Variants in GRIA4 observed in about 807,000 individuals in gnomAD.
The protein encoded by GRIA4 is glutamate ionotropic receptor AMPA type subunit 4, also known as glutamate receptor 4.
In GRIA4, 34 loss-of-function variants were observed where a neutral mutation model predicts 104.0. The observed-to-expected ratio is 0.33, with a 90% confidence interval of 0.25 to 0.44. The LOEUF (loss-of-function observed/expected upper bound fraction) is 0.44, where lower values mean the gene tolerates loss of function less well. Among genes scored for constraint, GRIA4 ranks in the 20% least tolerant of loss-of-function variants. The pLI, the probability that GRIA4 is intolerant of heterozygous loss-of-function variation, is 1.00. For synonymous variants in GRIA4, 386 were observed against 381.9 expected (o/e 1.01, Z -0.13); for missense variants, 750 against 1,096.5 (o/e 0.68, Z 4.46).
At chr11:105,757,342 C>A (rs1940375033) in intron 4 of GRIA4, among the ~76,000 whole-genome samples, 2 of 152,086 alleles carry the variant, frequency 1.3e-5, no homozygotes, top group Non-Finnish European at 2.9e-5. Flanking sequence ...GATTCGAGGG[C>A]AGATGCTAGA....
At chr11:105,723,631 C>T (rs1937987550) in intron 3 of GRIA4, among the ~76,000 whole-genome samples, 1 of 152,062 alleles carries the variant, frequency 6.6e-6, no homozygotes, top group South Asian at 2.1e-4. Context: ...TCAGCTTCCT[C>T]GTCATCCTTG....
intron 4 of GRIA4, 114 bp downstream of exon 4, chr11:105,753,334 A>G: frequency 1.1e-6 from 1 of 918,420 alleles, no homozygotes; most frequent in South Asian, 1.6e-5. Flanking sequence ...CTAAAATCAG[A>G]AAATGGTTGA....
chr11:105,822,533 G>A (rs982213108), intron 4 of GRIA4, among the ~76,000 whole-genome samples: 2 of 151,994 alleles, frequency 1.3e-5, no homozygotes, highest in South Asian at 2.1e-4. Flanking sequence ...GCAATGGTAG[G>A]GTGCTCAGGG....
intron 16 of GRIA4, 34 bp from the exon 17 acceptor site, chr11:105,979,541 C>T (rs778249745): frequency 3.1e-6 from 5 of 1,597,240 alleles, no homozygotes; most frequent in South Asian, 2.2e-5. Context: ...GGTAACACTC[C>T]GCGTTCTTTC....
At chr11:105,746,337 A>G (rs546903918) in intron 3 of GRIA4, among the ~76,000 whole-genome samples, 2 of 151,570 alleles carry the variant, frequency 1.3e-5, no homozygotes, top group East Asian at 3.9e-4. Flanking sequence ...TGAAAATCTC[A>G]AGAAAATCAT....
chr11:105,806,324 G>C (rs1942951646), intron 4 of GRIA4, among the ~76,000 whole-genome samples: 10 of 151,806 alleles, frequency 6.6e-5, no homozygotes, highest in Admixed American at 6.6e-4. Flanking sequence ...GGAAGCTGAT[G>C]GCTAGATCAG....
chr11:105,882,101 T>A (rs1418268826), intron 5 of GRIA4, among the ~76,000 whole-genome samples: 1 of 152,160 alleles, frequency 6.6e-6, no homozygotes, highest in Non-Finnish European at 1.5e-5. Context: ...AGTCTGGAAT[T>A]TCTATAGAAA....
At chr11:105,734,748 CT>C (rs1262863440) in intron 3 of GRIA4, among the ~76,000 whole-genome samples, 1 of 152,146 alleles carries the variant, frequency 6.6e-6, no homozygotes, top group Non-Finnish European at 1.5e-5. Context: ...GTTTTCTCTA[CT>C]TTGTGACTGG....
At chr11:105,739,428 T>C (rs1939174064) in intron 3 of GRIA4, among the ~76,000 whole-genome samples, 1 of 152,154 alleles carries the variant, frequency 6.6e-6, no homozygotes, top group South Asian at 2.1e-4. Context: ...GATGGTGCTG[T>C]CCAGAAGCAG....
chr11:105,889,860 T>C (rs1042388241), intron 6 of GRIA4, among the ~76,000 whole-genome samples: 3 of 152,214 alleles, frequency 2.0e-5, no homozygotes, highest in Non-Finnish European at 2.9e-5. Context: ...ATTGTATGTC[T>C]ATATGCTAGC....
At chr11:105,747,196 G>C (rs1939711824) in intron 3 of GRIA4, among the ~76,000 whole-genome samples, 1 of 151,994 alleles carries the variant, frequency 6.6e-6, no homozygotes, top group African/African-American at 2.4e-5. Context: ...AAACATATTG[G>C]AATAATTGGG....
chr11:105,792,322 G>C (rs1355057020), intron 4 of GRIA4, among the ~76,000 whole-genome samples: 1 of 152,056 alleles, frequency 6.6e-6, no homozygotes, highest in East Asian at 1.9e-4. Context: ...TTGCAAAAGG[G>C]GTGGTCATAG....
chr11:105,765,123 G>T (rs1311555232), intron 4 of GRIA4, among the ~76,000 whole-genome samples: 1 of 152,152 alleles, frequency 6.6e-6, no homozygotes, highest in African/African-American at 2.4e-5. Flanking sequence ...AAGGAAGACA[G>T]CATTGATGCC....
chr11:105,773,438 G>A (rs2135748755), intron 4 of GRIA4, among the ~76,000 whole-genome samples: 1 of 152,096 alleles, frequency 6.6e-6, no homozygotes, highest in South Asian at 2.1e-4. Flanking sequence ...AATCTATAAT[G>A]TTTATCCATG....
intron 4 of GRIA4, among the ~76,000 whole-genome samples, chr11:105,822,944 A>C (rs1565263936): frequency 1.3e-5 from 2 of 152,110 alleles, no homozygotes; most frequent in African/African-American, 2.4e-5. Flanking sequence ...GATGCTTCTG[A>C]ACATTTCTTC....
rs191465956 is a variant in GRIA4, at chr11:105,726,982, C to T, written c.248-25999C>T. ...AAAAACTACAATGCCTCTTCTCCTC[C>T]GAAGAAACACAACTCCTCGCCAGCA... On this transcript the variant is annotated intron_variant, in intron 3 of 16. Coordinates refer to ENST00000282499, the MANE Select transcript of GRIA4 (RefSeq NM_000829.4). 1.8e-4 allele frequency among the ~76,000 whole-genome samples: 27 copies of T among 152,064 alleles called. No individual in the cohort carries two copies. The East Asian group carries it at 3.7e-3, about 21-fold the overall frequency.
chr11:105,722,454 A>G (rs866328407), intron 3 of GRIA4, among the ~76,000 whole-genome samples: 3 of 152,088 alleles, frequency 2.0e-5, no homozygotes, highest in Admixed American at 1.3e-4. Flanking sequence ...ACATAACCCA[A>G]TTGTAAGTAG....
chr11:105,659,518 C>A (rs1951944193), intron 3 of GRIA4, among the ~76,000 whole-genome samples: 1 of 151,810 alleles, frequency 6.6e-6, no homozygotes. Context: ...AGAAGAAGGA[C>A]AAAAATGAGT....
chr11:105,679,208 T>C (rs535205636), intron 3 of GRIA4, among the ~76,000 whole-genome samples: 1 of 152,226 alleles, frequency 6.6e-6, no homozygotes, highest in East Asian at 1.9e-4. Context: ...AGTCTTTATT[T>C]TATTAAGATC....
Sources: gnomAD v4.1 joint callset for allele counts (sites outside exome capture counted in the v4.1 genomes callset) on GRCh38, gnomAD v4.1.1 for gene constraint, MANE v1.5 for transcripts, NCBI Gene and HGNC (gene_info 2026-07-23, HGNC 2026-07-21) for gene names.